SDK1: variants seen among roughly 807,000 people sequenced by gnomAD.
SDK1 encodes protein sidekick-1.
SDK1 carries 157 observed loss-of-function variants against 245.5 expected under a neutral mutation model. The ratio of observed to expected loss-of-function variants is 0.64; its 90% CI spans 0.56 to 0.73. SDK1 has a LOEUF of 0.73. Among genes scored for constraint, SDK1 ranks in the 30% least tolerant of loss-of-function variants. SDK1 has a pLI of 0.00. For missense variants in SDK1, 3,583 were observed against 3,002.3 expected (o/e 1.19, Z -4.52); for synonymous variants, 1,647 against 1,278.5 (o/e 1.29, Z -6.15).
At chr7:3,998,217 G>A (rs1240365991) in intron 14 of SDK1, among the ~76,000 whole-genome samples, 1 of 152,330 alleles carries the variant, frequency 6.6e-6, no homozygotes, top group African/African-American at 2.4e-5. Context: ...AACTCGTAAG[G>A]GGCAGAGCTT....
chr7:4,218,124 C>T (rs1251810686), intron 38 of SDK1, among the ~76,000 whole-genome samples: 2 of 152,128 alleles, frequency 1.3e-5, no homozygotes, highest in Non-Finnish European at 2.9e-5. Context: ...AAAATTGGCC[C>T]CAGGCACGGT....
At chr7:3,584,758 C>T (rs1780626914) in intron 1 of SDK1, among the ~76,000 whole-genome samples, 1 of 150,060 alleles carries the variant, frequency 6.7e-6, no homozygotes. Context: ...TGGAGTCTCG[C>T]TGTCCCCCAG....
chr7:3,755,471 CA>C, intron 4 of SDK1, among the ~76,000 whole-genome samples: 1 of 152,234 alleles, frequency 6.6e-6, no homozygotes. Context: ...ATTTGCCTGG[CA>C]GTGTATGAAC....
At chr7:3,548,548 C>G (rs1489936668) in intron 1 of SDK1, among the ~76,000 whole-genome samples, 1 of 152,138 alleles carries the variant, frequency 6.6e-6, no homozygotes, top group Non-Finnish European at 1.5e-5. Context: ...ATCCTAATGT[C>G]TACATTGGTA....
intron 1 of SDK1, among the ~76,000 whole-genome samples, chr7:3,611,466 C>T (rs1037854494): frequency 6.6e-6 from 1 of 152,210 alleles, no homozygotes; most frequent in East Asian, 1.9e-4. Flanking sequence ...CCTGTCCTCA[C>T]TGCCTTTTCT....
chr7:3,580,431 G>A (rs1347659032), intron 1 of SDK1, among the ~76,000 whole-genome samples: 1 of 152,132 alleles, frequency 6.6e-6, no homozygotes, highest in Non-Finnish European at 1.5e-5. Context: ...TATGGTACTT[G>A]TACAAAGACA....
intron 4 of SDK1, among the ~76,000 whole-genome samples, chr7:3,706,168 A>T (rs1037150086): frequency 3.3e-4 from 50 of 152,082 alleles, no homozygotes; most frequent in African/African-American, 1.2e-3. Context: ...CAATTAGTTC[A>T]TATTTTGTTG....
intron 1 of SDK1, among the ~76,000 whole-genome samples, chr7:3,557,398 C>T (rs1318752002): frequency 9.2e-5 from 14 of 152,110 alleles, no homozygotes; most frequent in Admixed American, 9.2e-4. Context: ...AATAGATAAT[C>T]TGAAGAGTCC....
intron 4 of SDK1, among the ~76,000 whole-genome samples, chr7:3,683,509 G>T (rs1294152406): frequency 6.6e-6 from 1 of 152,184 alleles, no homozygotes; most frequent in Non-Finnish European, 1.5e-5. Context: ...ACTTCATGAG[G>T]ACAAGAAACT....
chr7:4,266,685 CTCACGTCA>C lies in SDK1; in HGVS notation c.*1304_*1311del, dbSNP rs1788491525. Reference sequence around the variant, plus strand: ...TCAGAGATGGCCATGCCTCCAGCCCCTCACGTCATCTTTGCAACAGACGACTGGGCTGC... The same window carrying C: ...TCAGAGATGGCCATGCCTCCAGCCCCTCTTTGCAACAGACGACTGGGCTGC... On this transcript the variant is annotated 3_prime_UTR_variant, in exon 45 of 45. Coordinates refer to ENST00000404826, the MANE Select transcript of SDK1 (RefSeq NM_152744.4). 1 of 985,388 alleles carries C rather than the reference CTCACGTCA, an allele frequency of 1.0e-6. No individual in the cohort carries two copies. Among genetic ancestry groups the C allele is most frequent in the Admixed American group, 6.1e-5 (1 of 16,276 alleles). 61.0% of individuals were successfully genotyped at this position (985,388 alleles called of 1,614,324 possible).
chr7:3,309,336 CA>C (rs1216220236), intron 1 of SDK1, among the ~76,000 whole-genome samples: 6 of 149,906 alleles, frequency 4.0e-5, no homozygotes, highest in African/African-American at 1.5e-4. Flanking sequence ...AAAAAGTGTT[CA>C]TATAGGATAT....
intron 4 of SDK1, among the ~76,000 whole-genome samples, chr7:3,694,810 C>G (rs1328121942): frequency 1.3e-5 from 2 of 152,092 alleles, no homozygotes; most frequent in Admixed American, 1.3e-4. Flanking sequence ...AACCATTGCA[C>G]TAGAACAGGA....
At chr7:3,816,801 C>A (rs1583444317) in intron 4 of SDK1, among the ~76,000 whole-genome samples, 1 of 152,078 alleles carries the variant, frequency 6.6e-6, no homozygotes, top group South Asian at 2.1e-4. Flanking sequence ...GAACACTAAG[C>A]CTTGGAATCA....
chr7:3,642,221 T>G (rs1055401154), intron 4 of SDK1, 116 bp downstream of exon 4: 25 of 888,982 alleles, frequency 2.8e-5, no homozygotes, highest in Non-Finnish European at 4.2e-5. Flanking sequence ...AGCAAACTAG[T>G]CTAGGAGTCC....
At chr7:3,584,517 C>T (rs1000674973) in intron 1 of SDK1, among the ~76,000 whole-genome samples, 3 of 152,178 alleles carry the variant, frequency 2.0e-5, no homozygotes, top group African/African-American at 7.2e-5. Flanking sequence ...GGGGCCGCTC[C>T]TTGAGAGTTG....
chr7:3,593,853 G>T (rs142059130), intron 1 of SDK1, among the ~76,000 whole-genome samples: 2 of 152,110 alleles, frequency 1.3e-5, no homozygotes, highest in Non-Finnish European at 2.9e-5. Context: ...GAACCCCTGT[G>T]TGCCCGTTTT....
intron 5 of SDK1, among the ~76,000 whole-genome samples, chr7:3,879,457 TC>T: frequency 6.6e-6 from 1 of 152,098 alleles, no homozygotes; most frequent in Middle Eastern, 3.2e-3. Context: ...ATGTCAGAAC[TC>T]CCTGGAGGCA....
intron 1 of SDK1, among the ~76,000 whole-genome samples, chr7:3,614,665 C>G (rs1180699434): frequency 6.6e-6 from 1 of 152,102 alleles, no homozygotes; most frequent in Non-Finnish European, 1.5e-5. Context: ...ACTTGTTTAC[C>G]TACTGTATGT....
At chr7:3,370,525 CTG>C (rs2128563218) in intron 1 of SDK1, among the ~76,000 whole-genome samples, 1 of 152,286 alleles carries the variant, frequency 6.6e-6, no homozygotes, top group African/African-American at 2.4e-5. Context: ...AGGAAACAGA[CTG>C]TTATGTTTGA....
Sources: gnomAD v4.1 joint callset for allele counts (sites outside exome capture counted in the v4.1 genomes callset) on GRCh38, gnomAD v4.1.1 for gene constraint, MANE v1.5 for transcripts, NCBI Gene and HGNC (gene_info 2026-07-23, HGNC 2026-07-21) for gene names.